The following GPR39 variants were observed in gnomAD, a reference collection of about 807,000 sequenced individuals.
The protein encoded by GPR39 is zinc sensing receptor.
Under a neutral mutation model 18.4 loss-of-function variants are expected in GPR39, and 23 were observed. The observed-to-expected ratio is 1.25, with a 90% CI of 0.90 to 1.77. The LOEUF (loss-of-function observed/expected upper bound fraction) is 1.77. Ranked by LOEUF, GPR39 falls within the 40% of genes most tolerant of loss-of-function variation. The pLI, the probability that GPR39 is intolerant of heterozygous loss-of-function variation, is 0.00. For synonymous variants in GPR39, 280 were observed against 257.9 expected (o/e 1.09, Z -0.82); for missense variants, 647 against 602.4 (o/e 1.07, Z -0.78).
chr2:132,425,219 G>A (rs1339072869), intron 1 of GPR39, among the ~76,000 whole-genome samples: 1 of 152,158 alleles, frequency 6.6e-6, no homozygotes, highest in Non-Finnish European at 1.5e-5. Flanking sequence ...GACTACGACA[G>A]CCTATACTGA....
intron 1 of GPR39, among the ~76,000 whole-genome samples, chr2:132,491,033 G>A (rs748028730): frequency 1.2e-4 from 19 of 152,142 alleles, no homozygotes; most frequent in Admixed American, 2.0e-4. Context: ...TCTAATTTGC[G>A]AACCTTGAAC....
chr2:132,497,824 CTG>C (rs1335679842), intron 1 of GPR39, among the ~76,000 whole-genome samples: 6 of 151,498 alleles, frequency 4.0e-5, no homozygotes, highest in Non-Finnish European at 8.9e-5. Flanking sequence ...CAGATTATCT[CTG>C]TGGATGTCTG....
At chr2:132,566,314 T>C (rs1202999000) in intron 1 of GPR39, among the ~76,000 whole-genome samples, 3 of 149,144 alleles carry the variant, frequency 2.0e-5, no homozygotes, top group Non-Finnish European at 4.4e-5. Flanking sequence ...CTTTGTCAGA[T>C]GAGTAGGTTG....
chr2:132,538,322 C>T (rs941448713), intron 1 of GPR39, among the ~76,000 whole-genome samples: 1 of 152,214 alleles, frequency 6.6e-6, no homozygotes, highest in Non-Finnish European at 1.5e-5. Context: ...TGCAGATCTG[C>T]TTCAGTTTGC....
At chr2:132,452,831 G>A (rs999489306) in intron 1 of GPR39, among the ~76,000 whole-genome samples, 15 of 150,222 alleles carry the variant, frequency 1.0e-4, no homozygotes, top group African/African-American at 3.2e-4. Flanking sequence ...TGGCTGCATA[G>A]TATTCCACGC....
chr2:132,599,551 G>A (rs969848152), intron 1 of GPR39, among the ~76,000 whole-genome samples: 1 of 152,296 alleles, frequency 6.6e-6, no homozygotes, highest in South Asian at 2.1e-4. Flanking sequence ...TACATCTGGG[G>A]AAAACAAACA....
intron 1 of GPR39, among the ~76,000 whole-genome samples, chr2:132,510,447 T>C (rs1363754737): frequency 1.3e-5 from 2 of 152,054 alleles, no homozygotes; most frequent in African/African-American, 4.8e-5. Flanking sequence ...TTTTATACTT[T>C]GGGGCTCTTG....
intron 1 of GPR39, among the ~76,000 whole-genome samples, chr2:132,555,162 G>A (rs752557088): frequency 1.3e-5 from 2 of 152,062 alleles, no homozygotes; most frequent in African/African-American, 4.8e-5. Context: ...ATGTTAGCCA[G>A]GATGGTCTTG....
At chr2:132,491,757 A>G (rs1323484349) in intron 1 of GPR39, among the ~76,000 whole-genome samples, 1 of 151,942 alleles carries the variant, frequency 6.6e-6, no homozygotes, top group Non-Finnish European at 1.5e-5. Flanking sequence ...CCCCAGAGGC[A>G]GAAACTGCCT....
At chr2:132,450,476 G>A (rs1162927544) in intron 1 of GPR39, among the ~76,000 whole-genome samples, 1 of 152,184 alleles carries the variant, frequency 6.6e-6, no homozygotes, top group African/African-American at 2.4e-5. Context: ...TTTCTTATCT[G>A]CATATGGTTG....
intron 1 of GPR39, among the ~76,000 whole-genome samples, chr2:132,544,130 C>T (rs946382134): frequency 2.0e-5 from 3 of 152,168 alleles, no homozygotes; most frequent in Non-Finnish European, 2.9e-5. Flanking sequence ...AAACAACTCA[C>T]AACTTGAGAA....
At chr2:132,580,969 A>AAC (rs1680611841) in intron 1 of GPR39, among the ~76,000 whole-genome samples, 1 of 149,064 alleles carries the variant, frequency 6.7e-6, no homozygotes, top group Admixed American at 6.6e-5. Context: ...TCAAAAAAAA[A>AAC]AAACAAAAAA....
intron 1 of GPR39, among the ~76,000 whole-genome samples, chr2:132,586,365 A>ACAGGC (rs1175552472): frequency 4.6e-5 from 7 of 152,132 alleles, no homozygotes; most frequent in African/African-American, 1.7e-4. Context: ...CGGTCTGGTG[A>ACAGGC]CAGGCGCGCT....
chr2:132,512,789 A>C (rs1453709162), intron 1 of GPR39, among the ~76,000 whole-genome samples: 2 of 152,218 alleles, frequency 1.3e-5, no homozygotes, highest in African/African-American at 2.4e-5. Context: ...CAATACATAG[A>C]TACTTTTACA....
chr2:132,641,423 A>G (rs1681853782), intron 1 of GPR39, among the ~76,000 whole-genome samples: 1 of 152,012 alleles, frequency 6.6e-6, no homozygotes, highest in Admixed American at 6.5e-5. Context: ...TGTTAAAGGG[A>G]CAGTTGGGGG....
intron 1 of GPR39, among the ~76,000 whole-genome samples, chr2:132,431,656 G>T (rs536138359): frequency 1.3e-3 from 194 of 152,264 alleles, no homozygotes; most frequent in African/African-American, 4.2e-3. Context: ...TACGCCAGGT[G>T]AGCCTTCCCC....
chr2:132,611,102 T>C (rs954980608), intron 1 of GPR39, among the ~76,000 whole-genome samples: 156 of 152,306 alleles, frequency 1.0e-3, no homozygotes, highest in African/African-American at 3.3e-3. Context: ...ATCTGCAGAA[T>C]TTTGAAGCAC....
At chr2:132,571,241 T>C (rs1680436826) in intron 1 of GPR39, among the ~76,000 whole-genome samples, 1 of 152,216 alleles carries the variant, frequency 6.6e-6, no homozygotes, top group Non-Finnish European at 1.5e-5. Context: ...ATGATTTGGA[T>C]CTATCCTAAG....
At chr2:132,568,758 G>C (rs1258449265) in intron 1 of GPR39, among the ~76,000 whole-genome samples, 1 of 152,046 alleles carries the variant, frequency 6.6e-6, no homozygotes, top group Non-Finnish European at 1.5e-5. Flanking sequence ...AGTCAAATTT[G>C]GAACCCCAGC....
Sources: allele counts gnomAD v4.1 joint callset (sites outside exome capture counted in the v4.1 genomes callset), GRCh38; gene constraint gnomAD v4.1.1; transcripts MANE v1.5; gene names NCBI Gene and HGNC (gene_info 2026-07-23, HGNC 2026-07-21).